ARHGEF3: variants seen among roughly 807,000 people sequenced by gnomAD.
ARHGEF3 encodes the protein Rho guanine nucleotide exchange factor 3, also known as 59.8 kDA protein.
Under a neutral mutation model 63.2 loss-of-function variants are expected in ARHGEF3, and 28 were observed. The observed-to-expected ratio is 0.44, with a 90% CI of 0.33 to 0.61. ARHGEF3 has a LOEUF of 0.61. Ranked by LOEUF, ARHGEF3 falls within the 20% of genes least tolerant of loss-of-function variation. The pLI, the probability that ARHGEF3 is intolerant of heterozygous loss-of-function variation, is 0.03. For missense variants in ARHGEF3, 533 were observed against 659.3 expected (o/e 0.81, Z 2.10); for synonymous variants, 266 against 254.2 (o/e 1.05, Z -0.44).
At chr3:56,863,641 G>A (rs1055588947) in intron 4 of ARHGEF3, among the ~76,000 whole-genome samples, 7 of 151,238 alleles carry the variant, frequency 4.6e-5, no homozygotes, top group Non-Finnish European at 8.8e-5. Flanking sequence ...CACCATGTTG[G>A]CCAGGCTGGT....
At chr3:57,008,637 ATTT>A (rs1007521617) in intron 2 of ARHGEF3, among the ~76,000 whole-genome samples, 29 of 151,994 alleles carry the variant, frequency 1.9e-4, no homozygotes, top group African/African-American at 6.5e-4. Flanking sequence ...CACCCAGCTA[ATTT>A]TTGTTATGTT....
intron 1 of ARHGEF3, among the ~76,000 whole-genome samples, chr3:57,068,630 G>A (rs1306392594): frequency 1.3e-5 from 2 of 152,188 alleles, no homozygotes; most frequent in East Asian, 1.9e-4. Flanking sequence ...AAGCCATGCT[G>A]GAGAGAAACA....
chr3:56,941,467 C>G (rs893557970), intron 3 of ARHGEF3, among the ~76,000 whole-genome samples: 1 of 152,206 alleles, frequency 6.6e-6, no homozygotes, highest in African/African-American at 2.4e-5. Flanking sequence ...CTTGGCCTCC[C>G]AAAGTGCTGG....
intron 4 of ARHGEF3, among the ~76,000 whole-genome samples, chr3:56,818,601 C>T (rs1440680720): frequency 6.6e-5 from 10 of 152,132 alleles, no homozygotes; most frequent in Admixed American, 6.5e-4. Context: ...CTAACAATTG[C>T]TTTTGTTCTC....
chr3:56,982,603 G>A (rs1283373172), intron 2 of ARHGEF3, among the ~76,000 whole-genome samples: 1 of 152,138 alleles, frequency 6.6e-6, no homozygotes, highest in East Asian at 1.9e-4. Flanking sequence ...CATAAGGGTG[G>A]AGATTGTTGT....
intron 4 of ARHGEF3, among the ~76,000 whole-genome samples, chr3:56,865,145 C>T (rs986363096): frequency 1.4e-4 from 21 of 152,090 alleles, no homozygotes; most frequent in Admixed American, 3.9e-4. Flanking sequence ...GTGGGGATGG[C>T]GAGCACATGG....
intron 3 of ARHGEF3, among the ~76,000 whole-genome samples, chr3:56,942,520 C>A (rs1257045712): frequency 6.6e-6 from 1 of 152,166 alleles, no homozygotes; most frequent in Non-Finnish European, 1.5e-5. Flanking sequence ...CTCTCTCCCT[C>A]TCCTCAGGCT....
At chr3:57,056,701 G>A (rs1704952774) in intron 1 of ARHGEF3, among the ~76,000 whole-genome samples, 1 of 151,920 alleles carries the variant, frequency 6.6e-6, no homozygotes, top group African/African-American at 2.4e-5. Flanking sequence ...TTAGTTTTTT[G>A]TAGAGACAGG....
intron 4 of ARHGEF3, among the ~76,000 whole-genome samples, chr3:56,856,289 T>G (rs1345799054): frequency 6.6e-6 from 1 of 152,224 alleles, no homozygotes; most frequent in Non-Finnish European, 1.5e-5. Context: ...CTATGTCTAG[T>G]ATCTGTCTAT....
intron 9 of ARHGEF3, chr3:56,731,966 CACTA>C (rs556761504): frequency 1.1e-4 from 64 of 585,794 alleles, no homozygotes; most frequent in African/African-American, 1.1e-3. Flanking sequence ...ACTTAAGGAG[CACTA>C]ACTATGTGCA....
At chr3:57,031,151 TGTGCCAAGC>T (rs1703713602) in intron 2 of ARHGEF3, among the ~76,000 whole-genome samples, 1 of 152,178 alleles carries the variant, frequency 6.6e-6, no homozygotes, top group Non-Finnish European at 1.5e-5. Flanking sequence ...GTACCTACTG[TGTGCCAAGC>T]ACACAGTAAT....
intron 2 of ARHGEF3, among the ~76,000 whole-genome samples, chr3:56,959,310 A>G (rs1201699238): frequency 1.3e-5 from 2 of 152,154 alleles, no homozygotes; most frequent in African/African-American, 2.4e-5. Context: ...AACAAGGGGT[A>G]CATTTGAGCT....
At position 56,801,721 on chromosome 3, in the gene ARHGEF3, A is replaced by G; in HGVS notation, c.78T>C (p.Gly26=). Reference sequence around the variant, plus strand: ...GCCCTACCTCAGCGTCCTTGGCCGGACCGCTGGCCGGGGGTAGCTCCAGGC... The same window carrying G: ...GCCCTACCTCAGCGTCCTTGGCCGGGCCGCTGGCCGGGGGTAGCTCCAGGC... ...NCSLELPPAS[G]PAKDAEEPSN... is the part of the protein sequence containing the mutation. Residue 26 remains glycine, a synonymous_variant, in exon 1 of 10, where the codon GGT becomes GGC. Transcript: ENST00000296315. 1 of 1,562,738 alleles carries G rather than the reference A, an allele frequency of 6.4e-7. No homozygotes were observed. Among genetic ancestry groups the G allele is most frequent in the Non-Finnish European group, 8.7e-7 (1 of 1,152,390 alleles).
intron 4 of ARHGEF3, among the ~76,000 whole-genome samples, chr3:56,840,153 C>T (rs1375568599): frequency 6.6e-6 from 1 of 152,180 alleles, no homozygotes; most frequent in East Asian, 1.9e-4. Context: ...CCCAGACATT[C>T]TTCAAATGAG....
intron 3 of ARHGEF3, among the ~76,000 whole-genome samples, chr3:56,945,182 C>T (rs1386560950): frequency 6.6e-6 from 1 of 152,126 alleles, no homozygotes; most frequent in Non-Finnish European, 1.5e-5. Context: ...CTACAGCTCC[C>T]AGCATGAGTG....
chr3:56,880,947 C>T (rs1251998280), intron 4 of ARHGEF3, among the ~76,000 whole-genome samples: 4 of 152,280 alleles, frequency 2.6e-5, no homozygotes, highest in South Asian at 2.1e-4. Flanking sequence ...GTAAAACAGA[C>T]GCTCAAGTAC....
chr3:56,845,374 T>A (rs1336531784), intron 4 of ARHGEF3, among the ~76,000 whole-genome samples: 1 of 152,250 alleles, frequency 6.6e-6, no homozygotes, highest in Non-Finnish European at 1.5e-5. Flanking sequence ...TCACATTTTC[T>A]TCCATGTCTC....
chr3:56,836,904 G>A (rs2039130981), intron 4 of ARHGEF3, among the ~76,000 whole-genome samples: 2 of 152,228 alleles, frequency 1.3e-5, no homozygotes, highest in South Asian at 4.1e-4. Flanking sequence ...TCCAGCCTGG[G>A]TAACAGAGTG....
intron 1 of ARHGEF3, among the ~76,000 whole-genome samples, chr3:56,795,236 T>C (rs1578534600): frequency 6.6e-6 from 1 of 151,992 alleles, no homozygotes; most frequent in Non-Finnish European, 1.5e-5. Flanking sequence ...TCCCTGGAGG[T>C]GTTAAGCAGA....
Sources: gnomAD v4.1 joint callset for allele counts (sites outside exome capture counted in the v4.1 genomes callset) on GRCh38, gnomAD v4.1.1 for gene constraint, MANE v1.5 for transcripts, NCBI Gene and HGNC (gene_info 2026-07-23, HGNC 2026-07-21) for gene names.